Variants in PDE4B observed in about 807,000 individuals in gnomAD.
The protein encoded by PDE4B is 3',5'-cyclic-AMP phosphodiesterase 4B.
In PDE4B, 20 loss-of-function variants were observed where a neutral mutation model predicts 82.2. The observed-to-expected ratio is 0.24, with a 90% CI of 0.17 to 0.35. The LOEUF is 0.35. Among genes scored for constraint, PDE4B ranks in the 10% least tolerant of loss-of-function variants. The pLI, the probability that PDE4B is intolerant of heterozygous loss-of-function variation, is 1.00. For missense variants in PDE4B, 655 were observed against 907.2 expected, an observed-to-expected ratio of 0.72 and a Z score of 3.57; for synonymous variants, 320 against 318.9, an observed-to-expected ratio of 1.00 and a Z score of -0.04.
intron 3 of PDE4B, among the ~76,000 whole-genome samples, chr1:66,068,753 G>A (rs1450930346): frequency 6.6e-6 from 1 of 151,932 alleles, no homozygotes; most frequent in Non-Finnish European, 1.5e-5. Flanking sequence ...AGACACTGAA[G>A]AAGAGTAATC....
chr1:66,086,280 C>T (rs564948624), intron 3 of PDE4B, among the ~76,000 whole-genome samples: 9 of 152,256 alleles, frequency 5.9e-5, no homozygotes, highest in African/African-American at 2.2e-4. Flanking sequence ...TCAAGGGAAG[C>T]ACTTTCCTTC....
At position 65,889,360 on chromosome 1, in the gene PDE4B, T is replaced by G. The variant is rs372171397; in HGVS notation, c.-70-23885T>G. Among the ~76,000 whole-genome samples, 7 of 152,166 alleles carry G rather than the reference T, an allele frequency of 4.6e-5. No homozygotes were observed. In the East Asian group the frequency reaches 5.8e-4, roughly 13 times the overall value. On this transcript the variant is annotated intron_variant, in intron 1 of 16. Transcript: ENST00000341517. ...TAGTGTTTTGTTGAGGATTTATGTT[T>G]CTCTGTTCCTCAAGAATATTGGCCT...
chr1:66,204,063 A>C (rs1649300113), intron 3 of PDE4B, among the ~76,000 whole-genome samples: 1 of 152,122 alleles, frequency 6.6e-6, no homozygotes, highest in African/African-American at 2.4e-5. Flanking sequence ...TTTCCTTCTA[A>C]CAGACAGGAC....
intron 8 of PDE4B, among the ~76,000 whole-genome samples, chr1:66,347,368 T>C (rs760989189): frequency 4.6e-5 from 7 of 152,236 alleles, no homozygotes; most frequent in Non-Finnish European, 7.3e-5. Flanking sequence ...GTTATGAAAC[T>C]ATTTTCATCT....
intron 3 of PDE4B, among the ~76,000 whole-genome samples, chr1:66,210,595 CAAAA>C (rs35825766): frequency 4.4e-5 from 2 of 45,802 alleles, no homozygotes; most frequent in South Asian, 1.0e-3. Flanking sequence ...GACTCCATCT[CAAAA>C]AAAAAAAAAA....
At chr1:65,908,114 C>A (rs1177580794) in intron 1 of PDE4B, among the ~76,000 whole-genome samples, 1 of 152,068 alleles carries the variant, frequency 6.6e-6, no homozygotes, top group Non-Finnish European at 1.5e-5. Flanking sequence ...GAGACAAGTG[C>A]CTTCAACAAA....
At chr1:65,966,401 A>C (rs976913441) in intron 3 of PDE4B, among the ~76,000 whole-genome samples, 2 of 152,208 alleles carry the variant, frequency 1.3e-5, no homozygotes, top group African/African-American at 4.8e-5. Context: ...ATAAGAGGGG[A>C]CAAAAACAAA....
intron 3 of PDE4B, among the ~76,000 whole-genome samples, chr1:66,202,924 T>A (rs1350990407): frequency 6.6e-6 from 1 of 151,794 alleles, no homozygotes; most frequent in Non-Finnish European, 1.5e-5. Context: ...CATTAGTTGA[T>A]GCAGTTTCTT....
chr1:65,864,995 C>T (rs991329439), intron 1 of PDE4B, among the ~76,000 whole-genome samples: 6 of 152,196 alleles, frequency 3.9e-5, no homozygotes, highest in African/African-American at 1.4e-4. Context: ...GCCCCTTCCC[C>T]CAGGAGCCAT....
At chr1:65,824,660 CA>C (rs1645994216) in intron 1 of PDE4B, among the ~76,000 whole-genome samples, 1 of 149,334 alleles carries the variant, frequency 6.7e-6, no homozygotes, top group Non-Finnish European at 1.5e-5. Flanking sequence ...TATATACATA[CA>C]TATATATATA....
At chr1:66,105,889 G>A (rs536222880) in intron 3 of PDE4B, among the ~76,000 whole-genome samples, 1 of 151,940 alleles carries the variant, frequency 6.6e-6, no homozygotes, top group African/African-American at 2.4e-5. Context: ...CTGCAAACAG[G>A]TACAATTTGA....
At chr1:66,229,864 A>C (rs1400165707) in intron 3 of PDE4B, among the ~76,000 whole-genome samples, 1 of 152,238 alleles carries the variant, frequency 6.6e-6, no homozygotes, top group Admixed American at 6.5e-5. Context: ...CGAGGAAACT[A>C]AATCTCAGAG....
chr1:66,025,251 A>C (rs2100780176), intron 3 of PDE4B, among the ~76,000 whole-genome samples: 1 of 152,250 alleles, frequency 6.6e-6, no homozygotes, highest in East Asian at 1.9e-4. Context: ...AGAGTACTTC[A>C]AGGAAAGAAG....
chr1:66,343,772 G>A (rs961082358), intron 8 of PDE4B, among the ~76,000 whole-genome samples: 4 of 152,160 alleles, frequency 2.6e-5, no homozygotes, highest in Non-Finnish European at 5.9e-5. Context: ...TGTTGACATG[G>A]CACTTTTAAT....
intron 3 of PDE4B, among the ~76,000 whole-genome samples, chr1:66,206,656 A>G (rs1649579720): frequency 6.6e-6 from 1 of 152,166 alleles, no homozygotes; most frequent in Non-Finnish European, 1.5e-5. Context: ...CTTGCCAATA[A>G]TAAGTTGCAG....
intron 3 of PDE4B, among the ~76,000 whole-genome samples, chr1:66,229,437 A>G (rs1011540550): frequency 7.2e-5 from 11 of 152,216 alleles, no homozygotes; most frequent in Middle Eastern, 6.8e-3. Context: ...TGCCATCCAC[A>G]ATTTTGTTCG....
chr1:66,330,176 T>G (rs1660006434), intron 7 of PDE4B, among the ~76,000 whole-genome samples: 1 of 152,244 alleles, frequency 6.6e-6, no homozygotes, highest in Admixed American at 6.5e-5. Flanking sequence ...CTAACTAACA[T>G]TGCTTCAAAA....
intron 3 of PDE4B, among the ~76,000 whole-genome samples, chr1:66,180,977 C>G (rs1431334916): frequency 6.6e-6 from 1 of 152,156 alleles, no homozygotes; most frequent in Non-Finnish European, 1.5e-5. Context: ...TGTGTCATTT[C>G]ATTATTACTG....
intron 3 of PDE4B, among the ~76,000 whole-genome samples, chr1:66,153,365 C>A (rs941743894): frequency 5.4e-4 from 82 of 152,174 alleles, no homozygotes; most frequent in Non-Finnish European, 9.0e-4. Context: ...CTCTCTTGAA[C>A]CCCCAACAGA....
Sources: gnomAD v4.1 joint callset for allele counts (sites outside exome capture counted in the v4.1 genomes callset) on GRCh38, gnomAD v4.1.1 for gene constraint, MANE v1.5 for transcripts, NCBI Gene and HGNC (gene_info 2026-07-23, HGNC 2026-07-21) for gene names.